Variants in MAML2 observed in about 807,000 individuals in gnomAD.
MAML2 encodes mastermind-like protein 2.
In MAML2, 22 loss-of-function variants were observed where a neutral mutation model predicts 96.1. That is an observed-to-expected ratio of 0.23 (90% CI 0.16 to 0.33). The LOEUF (loss-of-function observed/expected upper bound fraction) is 0.33. Among genes scored for constraint, MAML2 ranks in the 10% least tolerant of loss-of-function variants. The probability of loss-of-function intolerance (pLI) is 1.00; values close to 1 mark genes in which losing one functional copy is unlikely to be tolerated. For synonymous variants in MAML2, 561 were observed against 521.3 expected (o/e 1.08, Z -1.04); for missense variants, 1,367 against 1,392.4 (o/e 0.98, Z 0.29).
At chr11:96,002,411 T>C (rs1250808110) in intron 2 of MAML2, among the ~76,000 whole-genome samples, 1 of 152,176 alleles carries the variant, frequency 6.6e-6, no homozygotes, top group Admixed American at 6.5e-5. Flanking sequence ...TTGAAGCCAA[T>C]GTTGTTTTTA....
chr11:95,985,473 T>A, intron 4 of MAML2, 58 bp downstream of exon 4: 1 of 987,884 alleles, frequency 1.0e-6, no homozygotes. Context: ...TTATTGAAAA[T>A]TGAAGTTTTT....
intron 2 of MAML2, among the ~76,000 whole-genome samples, chr11:96,056,636 T>A (rs532059209): frequency 2.0e-5 from 3 of 152,344 alleles, no homozygotes; most frequent in African/African-American, 7.2e-5. Context: ...AGCATGAGAA[T>A]ACTGATTTAC....
chr11:96,171,508 C>T lies in MAML2; in HGVS notation c.514-77991G>A, dbSNP rs184763070. On this transcript the variant is annotated intron_variant, in intron 1 of 4. Coordinates refer to ENST00000524717, the MANE Select transcript of MAML2 (RefSeq NM_032427.4). ...CCCAGTAAAATGCTTGCATGTGATT[C>T]GTGTTCAATAAATACATTTTTAATA... Among the ~76,000 whole-genome samples the T allele has an allele frequency of 1.3e-4, 20 of 152,176 alleles. No individual in the cohort carries two copies. The East Asian group carries it at 3.5e-3, about 26-fold the overall frequency.
intron 1 of MAML2, among the ~76,000 whole-genome samples, chr11:96,281,174 T>C (rs1863058711): frequency 6.6e-6 from 1 of 152,182 alleles, no homozygotes; most frequent in South Asian, 2.1e-4. Flanking sequence ...TGTATGGGGG[T>C]AATATTCAAA....
intron 1 of MAML2, among the ~76,000 whole-genome samples, chr11:96,266,867 G>A (rs1862836041): frequency 6.6e-6 from 1 of 152,142 alleles, no homozygotes; most frequent in Non-Finnish European, 1.5e-5. Context: ...CCCCTTCTGT[G>A]ATGGAATTAT....
chr11:96,054,946 A>G (rs1354875985), intron 2 of MAML2, among the ~76,000 whole-genome samples: 1 of 152,196 alleles, frequency 6.6e-6, no homozygotes, highest in East Asian at 1.9e-4. Context: ...GGGAAGTAGT[A>G]TTTACTTAAA....
chr11:96,265,564 T>C (rs115191885), intron 1 of MAML2, among the ~76,000 whole-genome samples: 6,301 of 152,034 alleles, frequency 0.041, 426 homozygotes, highest in African/African-American at 0.14. Flanking sequence ...TTTGTTTTCC[T>C]GCCCAAATGC....
intron 2 of MAML2, among the ~76,000 whole-genome samples, chr11:96,054,701 T>C (rs992827728): frequency 6.6e-6 from 1 of 152,200 alleles, no homozygotes; most frequent in African/African-American, 2.4e-5. Context: ...CATTTTGTTA[T>C]ATTACTTCTG....
At chr11:95,999,788 C>T (rs1053374991) in intron 2 of MAML2, among the ~76,000 whole-genome samples, 7 of 152,180 alleles carry the variant, frequency 4.6e-5, no homozygotes, top group African/African-American at 9.6e-5. Context: ...GCTAGGCATC[C>T]GCAATTTGCA....
intron 1 of MAML2, among the ~76,000 whole-genome samples, chr11:96,233,376 C>A (rs1179833624): frequency 6.7e-6 from 1 of 149,184 alleles, no homozygotes; most frequent in Non-Finnish European, 1.5e-5. Flanking sequence ...AACAGACATT[C>A]ATGTGTTTTC....
At chr11:96,200,546 A>G (rs1209553339) in intron 1 of MAML2, among the ~76,000 whole-genome samples, 1 of 152,222 alleles carries the variant, frequency 6.6e-6, no homozygotes, top group Non-Finnish European at 1.5e-5. Flanking sequence ...AGCCTGACAG[A>G]TTTCATCAGA....
chr11:96,099,194 C>T (rs1227883128), intron 1 of MAML2, among the ~76,000 whole-genome samples: 1 of 152,124 alleles, frequency 6.6e-6, no homozygotes, highest in Non-Finnish European at 1.5e-5. Flanking sequence ...CTATTTTACT[C>T]ATGGCTGATT....
intron 1 of MAML2, among the ~76,000 whole-genome samples, chr11:96,283,084 A>C (rs1863093651): frequency 6.6e-6 from 1 of 152,232 alleles, no homozygotes; most frequent in African/African-American, 2.4e-5. Context: ...GGGCGAATGA[A>C]AGATCGTGTA....
Position 95,978,676 on chromosome 11 carries a change from A to G in MAML2, c.*272T>C. On this transcript the variant is annotated 3_prime_UTR_variant, in exon 5 of 5. Coordinates refer to ENST00000524717, the MANE Select transcript of MAML2 (RefSeq NM_032427.4). ...GGCTATTTTACACAATTAATTACACATTGACACCACAGTTCTGTTTGGATA... is the reference window on the plus strand; with the variant it reads ...GGCTATTTTACACAATTAATTACACGTTGACACCACAGTTCTGTTTGGATA... 1 of 371,788 alleles carries G rather than the reference A, an allele frequency of 2.7e-6. No individual in the cohort carries two copies. The highest frequency in any genetic ancestry group is 4.8e-6 in the Non-Finnish European group (1 of 208,540). 23.0% of individuals were successfully genotyped at this position (371,788 alleles called of 1,614,324 possible).
At chr11:96,066,269 T>C (rs774738847) in intron 2 of MAML2, among the ~76,000 whole-genome samples, 1 of 152,166 alleles carries the variant, frequency 6.6e-6, no homozygotes, top group Non-Finnish European at 1.5e-5. Flanking sequence ...GTAAATAGTG[T>C]CATCGTGTTA....
At chr11:96,152,126 G>A (rs1242181315) in intron 1 of MAML2, among the ~76,000 whole-genome samples, 1 of 152,178 alleles carries the variant, frequency 6.6e-6, no homozygotes, top group African/African-American at 2.4e-5. Context: ...GGGAGGCTGA[G>A]GTGGCAAGTT....
At chr11:96,060,818 A>T (rs1033694889) in intron 2 of MAML2, among the ~76,000 whole-genome samples, 1 of 152,220 alleles carries the variant, frequency 6.6e-6, no homozygotes, top group Non-Finnish European at 1.5e-5. Flanking sequence ...GAGATCTAAG[A>T]GTTCTTCCTT....
rs1591030355 is a variant in MAML2 at position 96,130,446 on chromosome 11, A to G, written c.514-36929T>C. Among the ~76,000 whole-genome samples, 3 of 152,322 alleles carry G rather than the reference A, an allele frequency of 2.0e-5. No individual in the cohort carries two copies. In the East Asian group the frequency reaches 5.8e-4, roughly 29 times the overall value. On this transcript the variant is annotated intron_variant, in intron 1 of 4. Transcript: ENST00000524717. Reference sequence around the variant, plus strand: ...AAGAAGTTAGAGAGGGATAAGTAAGAAGATTCCAAAATGCTCTAAGCTTGC... The same window carrying G: ...AAGAAGTTAGAGAGGGATAAGTAAGGAGATTCCAAAATGCTCTAAGCTTGC...
At chr11:96,114,467 C>A (rs1250211270) in intron 1 of MAML2, among the ~76,000 whole-genome samples, 2 of 152,160 alleles carry the variant, frequency 1.3e-5, no homozygotes, top group African/African-American at 4.8e-5. Context: ...CATGCAAATC[C>A]ACCCCACCTA....
Sources: gnomAD v4.1 joint callset for allele counts (sites outside exome capture counted in the v4.1 genomes callset) on GRCh38, gnomAD v4.1.1 for gene constraint, MANE v1.5 for transcripts, NCBI Gene and HGNC (gene_info 2026-07-23, HGNC 2026-07-21) for gene names.